Variants in HSPA12A observed in about 807,000 individuals in gnomAD.
HSPA12A encodes the protein heat shock 70 kDa protein 12A.
A neutral mutation model predicts 69.2 loss-of-function variants in HSPA12A; 28 were observed. The observed-to-expected ratio is 0.40, with a 90% CI of 0.30 to 0.55. The LOEUF (loss-of-function observed/expected upper bound fraction) is 0.55. Ranked by LOEUF, HSPA12A falls within the 20% of genes least tolerant of loss-of-function variation. HSPA12A has a pLI of 0.38. For missense variants in HSPA12A, 686 were observed against 900.7 expected, an observed-to-expected ratio of 0.76 and a Z score of 3.05; for synonymous variants, 345 against 370.5, an observed-to-expected ratio of 0.93 and a Z score of 0.79.
At chr10:116,691,574 G>C (rs1232473081) in intron 6 of HSPA12A, among the ~76,000 whole-genome samples, 3 of 152,196 alleles carry the variant, frequency 2.0e-5, no homozygotes, top group Admixed American at 1.3e-4. Flanking sequence ...CCAGGCCCCA[G>C]GCGTGGGTGT....
intron 1 of HSPA12A, among the ~76,000 whole-genome samples, chr10:116,727,485 T>C (rs1851004908): frequency 6.6e-6 from 1 of 152,178 alleles, no homozygotes; most frequent in African/African-American, 2.4e-5. Flanking sequence ...AAACAAATCA[T>C]GTAGCTACAC....
At chr10:116,677,658 A>G (rs1849279429) in intron 10 of HSPA12A, among the ~76,000 whole-genome samples, 2 of 152,232 alleles carry the variant, frequency 1.3e-5, no homozygotes, top group African/African-American at 4.8e-5. Context: ...CACTTCCACT[A>G]AAAGGAACCA....
intron 2 of HSPA12A, among the ~76,000 whole-genome samples, chr10:116,814,335 A>C (rs765552626): frequency 1.3e-5 from 2 of 152,260 alleles, no homozygotes. Flanking sequence ...TGGAGTTCCC[A>C]AGGCAGAGGG....
intron 1 of HSPA12A, among the ~76,000 whole-genome samples, chr10:116,738,265 C>T (rs1415427690): frequency 2.6e-5 from 4 of 152,194 alleles, no homozygotes; most frequent in African/African-American, 7.2e-5. Context: ...AGCACCACTG[C>T]GGAGTGGGCA....
chr10:116,766,533 A>AC (rs750112177), intron 2 of HSPA12A, among the ~76,000 whole-genome samples: 2 of 152,162 alleles, frequency 1.3e-5, no homozygotes, highest in Non-Finnish European at 2.9e-5. Context: ...AAGCTGCCCC[A>AC]CAGCCCTCAC....
chr10:116,771,819 G>C (rs1844218715), intron 2 of HSPA12A, among the ~76,000 whole-genome samples: 2 of 152,104 alleles, frequency 1.3e-5, no homozygotes, highest in African/African-American at 4.8e-5. Flanking sequence ...CACCCCCAAG[G>C]TGCCTTGGGT....
Position 116,723,010 on chromosome 10 carries a change from G to A in HSPA12A, c.41-15725C>T, listed in dbSNP as rs146832429. 1.8e-3 allele frequency among the ~76,000 whole-genome samples: 267 copies of A among 152,114 alleles called. 5 individuals are homozygous for A. The highest frequency in any genetic ancestry group is 6.0e-3 in the African/African-American group (250 of 41,480). On this transcript the variant is annotated intron_variant, in intron 1 of 11. Coordinates refer to ENST00000369209, the MANE Select transcript of HSPA12A (RefSeq NM_025015.3). This position sits in a 1 kb window ranked among gnomAD's most constrained non-coding sequence, Gnocchi z 4.1. ...GGAACAGCAAGGGCAAAAGCAGAGC[G>A]GTATGAAGGGCTTCCCAGAGAGCCT...
chr10:116,738,147 G>GT (rs1331365355), intron 1 of HSPA12A, among the ~76,000 whole-genome samples: 2 of 152,156 alleles, frequency 1.3e-5, no homozygotes, highest in African/African-American at 4.8e-5. Context: ...AGATTGAGTC[G>GT]TCACTCCAGG....
chr10:116,818,901 C>T (rs559842219), intron 2 of HSPA12A, among the ~76,000 whole-genome samples: 2 of 152,140 alleles, frequency 1.3e-5, no homozygotes, highest in African/African-American at 2.4e-5. Flanking sequence ...GAGCAATCAT[C>T]GCACCTAAGG....
At chr10:116,704,722 G>C (rs566922389) in intron 3 of HSPA12A, among the ~76,000 whole-genome samples, 1 of 152,316 alleles carries the variant, frequency 6.6e-6, no homozygotes, top group Non-Finnish European at 1.5e-5. Flanking sequence ...CACACACATT[G>C]TGAGGGAGGT....
rs369828780 is a variant in HSPA12A at position 116,748,499 on chromosome 10, A to G, written c.92-41214T>C. Among the ~76,000 whole-genome samples the G allele has an allele frequency of 3.7e-4, 56 of 152,312 alleles. 1 individual carries two copies. The highest frequency in any genetic ancestry group is 1.3e-3 in the African/African-American group (53 of 41,566). ...CACTTTTCTCAGTGACTTCTGCAAG[A>G]GTGAGCCCAAATATTGTCTATCTTT... is the stretch of plus-strand genomic sequence containing the variant. On this transcript the variant is annotated intron_variant, in intron 2 of 12. Transcript: ENST00000635765.
Position 116,686,111 on chromosome 10 carries a change from T to TC in HSPA12A, c.664-2150dup, listed in dbSNP as rs1369507716. 2.0e-5 allele frequency among the ~76,000 whole-genome samples: 3 copies of TC among 150,964 alleles called. No individual in the cohort carries two copies. Among genetic ancestry groups the TC allele is most frequent in the Non-Finnish European group, 3.0e-5 (2 of 67,786 alleles). Reference sequence around the variant, plus strand: ...TGCCCCCTATTCAAGCAAGTAAAAGTCCCCCCTCCCCAGCTTCACTCTCAC... The same window carrying TC: ...TGCCCCCTATTCAAGCAAGTAAAAGTCCCCCCCTCCCCAGCTTCACTCTCAC... On this transcript the variant is annotated intron_variant, in intron 6 of 11. Coordinates refer to ENST00000369209, the MANE Select transcript of HSPA12A (RefSeq NM_025015.3). This position sits in a 1 kb window ranked among gnomAD's most constrained non-coding sequence, Gnocchi z 4.1.
At chr10:116,682,994 C>T (rs1422777222) in intron 7 of HSPA12A, among the ~76,000 whole-genome samples, 2 of 151,762 alleles carry the variant, frequency 1.3e-5, no homozygotes, top group African/African-American at 4.9e-5. Flanking sequence ...TAAGCCACCA[C>T]GCCCGGCCCC....
intron 4 of HSPA12A, 59 bp downstream of exon 4, chr10:116,700,884 T>C: frequency 6.4e-7 from 1 of 1,559,396 alleles, no homozygotes. Context: ...ACCCCAAGGC[T>C]GGAGGAAGCT....
At chr10:116,769,616 C>T (rs1172242329) in intron 2 of HSPA12A, among the ~76,000 whole-genome samples, 4 of 152,184 alleles carry the variant, frequency 2.6e-5, no homozygotes, top group African/African-American at 4.8e-5. Flanking sequence ...GCTGCAGGAT[C>T]GATTCCCCGT....
chr10:116,730,384 C>T lies in HSPA12A; in HGVS notation c.40+12046G>A, dbSNP rs148035954. 1.3e-3 allele frequency among the ~76,000 whole-genome samples: 195 copies of T among 152,244 alleles called. 1 individual carries two copies. The highest frequency in any genetic ancestry group is 5.6e-3 in the East Asian group (29 of 5,172). On this transcript the variant is annotated intron_variant, in intron 1 of 11. Coordinates refer to ENST00000369209, the MANE Select transcript of HSPA12A (RefSeq NM_025015.3). ...CAAGGCCAGGTATGGGAGCCAGGAC[C>T]CAAACCAGGACTTTCTAACTGAGCT...
chr10:116,746,439 G>C (rs1042230101), upstream of HSPA12A, among the ~76,000 whole-genome samples: 6 of 152,312 alleles, frequency 3.9e-5, no homozygotes, highest in African/African-American at 1.4e-4. Flanking sequence ...AGCCCTGGGG[G>C]ATGCATCAGG....
intron 2 of HSPA12A, among the ~76,000 whole-genome samples, chr10:116,779,684 T>C (rs1341815134): frequency 6.6e-6 from 1 of 152,110 alleles, no homozygotes; most frequent in African/African-American, 2.4e-5. Context: ...GCTATGTCTA[T>C]CCTGATTGAC....
chr10:116,843,932 T>A (rs1845841671), intron 1 of HSPA12A, among the ~76,000 whole-genome samples: 1 of 152,158 alleles, frequency 6.6e-6, no homozygotes, highest in Non-Finnish European at 1.5e-5. Flanking sequence ...TAATAGAACC[T>A]CCAGGTGATT....
Sources: allele counts gnomAD v4.1 joint callset (sites outside exome capture counted in the v4.1 genomes callset), GRCh38; gene constraint gnomAD v4.1.1; non-coding constraint Gnocchi (gnomAD v3.1); transcripts MANE v1.5; gene names NCBI Gene and HGNC (gene_info 2026-07-23, HGNC 2026-07-21).